Variants in HCN4 observed in about 807,000 individuals in gnomAD.
HCN4 encodes the protein hyperpolarization activated cyclic nucleotide gated potassium channel 4.
A neutral mutation model predicts 76.9 loss-of-function variants in HCN4; 29 were observed. That is an observed-to-expected ratio of 0.38 (90% confidence interval 0.28 to 0.51). The LOEUF (loss-of-function observed/expected upper bound fraction) is 0.51, where lower values mean the gene tolerates loss of function less well. Among genes scored for constraint, HCN4 ranks in the 20% least tolerant of loss-of-function variants. HCN4 has a pLI of 0.90. For missense variants in HCN4, 1,416 were observed against 1,715.2 expected, an observed-to-expected ratio of 0.83 and a Z score of 3.08; for synonymous variants, 772 against 762.5, an observed-to-expected ratio of 1.01 and a Z score of -0.21.
chr15:73,322,614 G>C lies in HCN4; in HGVS notation c.3479C>G (p.Ser1160Cys). ...VTLPRKTSSG[S>C]LPPPLSLFGA... ...AAACAAAGACAGAGGGGGTGGCAAA[G>C]AACCTGAGGATGTCTTCCGAGGCAG... Residue 1160 changes from serine (S) to cysteine (C), a missense_variant, in exon 8 of 8, where the codon TCT (serine) becomes TGT (cysteine). Physicochemically the swap from Ser to Cys is moderately radical, Grantham distance 112. This residue lies in a region of HCN4 where 633 missense variants were observed against 579.8 expected (regional missense o/e 1.09). Coordinates refer to ENST00000261917, the MANE Select transcript of HCN4 (RefSeq NM_005477.3). 1 of 1,611,882 alleles carries C rather than the reference G, an allele frequency of 6.2e-7. No homozygotes were observed. Among genetic ancestry groups the C allele is most frequent in the Non-Finnish European group, 8.5e-7 (1 of 1,179,368 alleles).
chr15:73,325,275 C>A lies in HCN4; in HGVS notation c.1737+23G>T, dbSNP rs748752985. 1.9e-6 allele frequency: 3 copies of A among 1,613,956 alleles called. No homozygotes were observed. Among genetic ancestry groups the A allele is most frequent in the East Asian group, 2.2e-5 (1 of 44,866 alleles). On this transcript the variant is annotated intron_variant, in intron 5 of 7. Transcript: ENST00000261917. The surrounding 1 kb of genome is among the most constrained non-coding windows in gnomAD (Gnocchi z 7.4). ...GCCAGGAAGGCCTGGCTCCCCTCCA[C>A]GCCGGGCCGCCACACAGCTCACCTC...
At chr15:73,335,856 T>C (rs1411657044) in intron 2 of HCN4, among the ~76,000 whole-genome samples, 2 of 152,050 alleles carry the variant, frequency 1.3e-5, no homozygotes, top group East Asian at 3.9e-4. Context: ...GGGGCCCTTC[T>C]TTCCTGGGTC....
At chr15:73,335,580 C>T (rs542203671) in intron 2 of HCN4, 2 of 152,478 alleles carry the variant, frequency 1.3e-5, no homozygotes, top group Admixed American at 6.5e-5. Flanking sequence ...CTGACTGTGC[C>T]CCCCAGCAGA....
chr15:73,361,584 G>A (rs923969808), intron 1 of HCN4, among the ~76,000 whole-genome samples: 5 of 152,186 alleles, frequency 3.3e-5, no homozygotes, highest in South Asian at 2.1e-4. Flanking sequence ...CTGCCTCCTC[G>A]GTTCTAAGAC....
At chr15:73,352,396 G>A (rs975912863) in intron 1 of HCN4, among the ~76,000 whole-genome samples, 7 of 152,198 alleles carry the variant, frequency 4.6e-5, no homozygotes, top group Non-Finnish European at 8.8e-5. Context: ...AAACCCCCAA[G>A]ACTCACAGCA....
intron 3 of HCN4, among the ~76,000 whole-genome samples, chr15:73,331,685 T>TC (rs2042933573): frequency 6.6e-6 from 1 of 152,030 alleles, no homozygotes; most frequent in Non-Finnish European, 1.5e-5. Flanking sequence ...GCTGAAGGGA[T>TC]CCCCCTGCCT....
intron 1 of HCN4, among the ~76,000 whole-genome samples, chr15:73,355,977 C>A (rs1416747266): frequency 6.6e-6 from 1 of 152,146 alleles, no homozygotes; most frequent in African/African-American, 2.4e-5. Flanking sequence ...CAACACCACT[C>A]CCCCAGGAAC....
Position 73,368,080 on chromosome 15 carries a change from C to T in HCN4, c.191G>A (p.Gly64Asp). 1 of 1,487,318 alleles carries T rather than the reference C, an allele frequency of 6.7e-7. No individual in the cohort carries two copies. 92.1% of individuals were successfully genotyped at this position (1,487,318 alleles called of 1,614,324 possible). A position where few individuals can be genotyped will look rare whatever the true frequency, so the allele number is the denominator to read the frequency against. Residue 64 changes from glycine (G) to aspartate (D), a missense_variant, in exon 1 of 8, where the codon GGC (glycine) becomes GAC (aspartate). Gly to Asp is a moderately conservative substitution (Grantham distance 94). Transcript: ENST00000261917. The surrounding 1 kb of genome is among the most constrained non-coding windows in gnomAD (Gnocchi z 6.9). ...PSPSPSAAAG[G>D]TESRSSALGA... ...GAGGGCCGAGCTCCGGGACTCCGTG[C>T]CACCCGCGGCCGCCGAGGGGGAGGG...
chr15:73,343,889 G>T lies in HCN4; in HGVS notation c.786-81C>A. On this transcript the variant is annotated intron_variant, in intron 1 of 7. Coordinates refer to ENST00000261917, the MANE Select transcript of HCN4 (RefSeq NM_005477.3). This position sits in a 1 kb window ranked among gnomAD's most constrained non-coding sequence, Gnocchi z 5.7. ...CTAAGGGAGGAAGATCTGAGGGACA[G>T]CATCTGGGACAGAGAAGTCTTGGGA... 6.9e-7 allele frequency: 1 copy of T among 1,451,306 alleles called. No homozygotes were observed. The highest frequency in any genetic ancestry group is 9.6e-7 in the Non-Finnish European group (1 of 1,037,526). 89.9% of individuals were successfully genotyped at this position (1,451,306 alleles called of 1,614,324 possible).
chr15:73,323,863 G>A lies in HCN4; in HGVS notation c.2230C>T (p.Gln744Ter). ...FNYQENEIIQQIVQHDREMAH... is the reference protein window; with the variant it reads ...FNYQENEIIQ ...ATCTCCCGGTCATGCTGCACAATCT[G>A]CTGGATGATCTCATTCTCCTGGTAG... The change falls in exon 8 of 8, where the codon CAG (glutamine) becomes TAG (stop). Residue 744 changes from glutamine to a stop codon, truncating the protein, a stop_gained. Coordinates refer to ENST00000261917, the MANE Select transcript of HCN4 (RefSeq NM_005477.3). LOFTEE classifies it high-confidence loss of function. 6.2e-7 allele frequency: 1 copy of A among 1,604,670 alleles called. No homozygotes were observed. The highest frequency in any genetic ancestry group is 8.5e-7 in the Non-Finnish European group (1 of 1,179,950).
intron 2 of HCN4, among the ~76,000 whole-genome samples, chr15:73,336,962 ACT>A (rs1333033574): frequency 6.6e-6 from 1 of 152,044 alleles, no homozygotes; most frequent in African/African-American, 2.4e-5. Flanking sequence ...GGCCTCCCTG[ACT>A]CTGCCCAAAG....
In HCN4 at chr15:73,323,652, A is replaced by G. The variant is rs2042879370; in HGVS notation, c.2441T>C (p.Leu814Pro). 1.3e-6 allele frequency: 2 copies of G among 1,595,464 alleles called. No individual in the cohort carries two copies. Among genetic ancestry groups the G allele is most frequent in the Non-Finnish European group, 1.7e-6 (2 of 1,172,904 alleles). ...CGTCTGCCCGGCACCGAGGTTGCCC[A>G]GCCCAGATCCTGGGGGAGGGCGGAA... ...AIFRPPPGSG[L>P]GNLGAGQTPR... is the part of the protein sequence containing the mutation. Residue 814 changes from leucine (L) to proline (P), a missense_variant, in exon 8 of 8, where the codon CTG (leucine) becomes CCG (proline). Physicochemically the swap from Leu to Pro is moderately conservative, Grantham distance 98 (BLOSUM62 -3). Transcript: ENST00000261917.
chr15:73,347,675 G>A (rs760486260), intron 1 of HCN4, among the ~76,000 whole-genome samples: 3 of 152,194 alleles, frequency 2.0e-5, no homozygotes, highest in Non-Finnish European at 2.9e-5. Flanking sequence ...TGGCCACCCC[G>A]AGAATCACTC....
At chr15:73,358,497 T>C (rs572968693) in intron 1 of HCN4, among the ~76,000 whole-genome samples, 8 of 152,302 alleles carry the variant, frequency 5.3e-5, no homozygotes, top group Non-Finnish European at 8.8e-5. Context: ...AGTGACATTA[T>C]TGCAGGCAAC....
intron 1 of HCN4, among the ~76,000 whole-genome samples, chr15:73,346,964 GA>G (rs1488472952): frequency 6.6e-5 from 10 of 152,218 alleles, no homozygotes; most frequent in Non-Finnish European, 5.9e-5. Context: ...TTAGCCAGGG[GA>G]AGGTGGCAAC....
rs918590057 is a variant in HCN4 at position 73,343,016 on chromosome 15, G to A, written c.1209+369C>T. Among the ~76,000 whole-genome samples the A allele has an allele frequency of 5.9e-5, 9 of 152,134 alleles. No homozygotes were observed. Among genetic ancestry groups the A allele is most frequent in the African/African-American group, 1.9e-4 (8 of 41,418 alleles). ...GGGTTTACAAACCCTACAACATAAC[G>A]CAGTGGTTAATAATGTGGGCTCTAG... On this transcript the variant is annotated intron_variant, in intron 2 of 7. Coordinates refer to ENST00000261917, the MANE Select transcript of HCN4 (RefSeq NM_005477.3). This position sits in a 1 kb window ranked among gnomAD's most constrained non-coding sequence, Gnocchi z 5.7.
In HCN4 at chr15:73,323,309, C is replaced by T. The variant is rs553559079; in HGVS notation, c.2784G>A (p.Pro928=). The T allele has an allele frequency of 1.2e-5, 19 of 1,547,860 alleles. No homozygotes were observed. The highest frequency in any genetic ancestry group is 2.4e-5 in the South Asian group (2 of 83,728). The change falls in exon 8 of 8, where the codon CCG becomes CCA. Residue 928 remains proline (P), a synonymous_variant. Coordinates refer to ENST00000261917, the MANE Select transcript of HCN4 (RefSeq NM_005477.3). ...GCGGGGAGCGGGCGCCTGGCTGCAGCGGGGTGAGCAGGGGAGAGTCGGAGG... is the reference window on the plus strand; with the variant it reads ...GCGGGGAGCGGGCGCCTGGCTGCAGTGGGGTGAGCAGGGGAGAGTCGGAGG... ...LSSSDSPLLT[P]LQPGARSPQA... is the part of the protein sequence containing the mutation.
chr15:73,342,660 C>T (rs1489295007), intron 2 of HCN4, among the ~76,000 whole-genome samples: 1 of 152,230 alleles, frequency 6.6e-6, no homozygotes, highest in African/African-American at 2.4e-5. Flanking sequence ...TGTCCCTCTC[C>T]CCAGTCCCCT....
Position 73,321,357 on chromosome 15 carries a change from A to C in HCN4, c.*1124T>G, listed in dbSNP as rs1372257173. 1.3e-5 allele frequency: 2 copies of C among 152,220 alleles called. No homozygotes were observed. Among genetic ancestry groups the C allele is most frequent in the African/African-American group, 4.8e-5 (2 of 41,448 alleles). The allele number at this position is 152,220 out of a possible 1,614,324, so 9.4% of individuals were successfully genotyped here. A position where few individuals can be genotyped will look rare whatever the true frequency, so the allele number is the denominator to read the frequency against. On this transcript the variant is annotated 3_prime_UTR_variant, in exon 8 of 8. Transcript: ENST00000261917. ...TCAAGGAGGCGTGGACTCGAACCTC[A>C]AATCAGTCCCCACTCTGCCACTCCT...
Sources: gnomAD v4.1 joint callset for allele counts (sites outside exome capture counted in the v4.1 genomes callset) on GRCh38, gnomAD v4.1.1 for gene constraint, gnomAD v4.1.1 regional missense constraint, Gnocchi (gnomAD v3.1) non-coding constraint, MANE v1.5 for transcripts, NCBI Gene and HGNC (gene_info 2026-07-23, HGNC 2026-07-21) for gene names.